Variants in RIPOR2 observed in about 807,000 individuals in gnomAD.
RIPOR2 encodes the protein RHO family interacting cell polarization regulator 2, also known as rho family-interacting cell polarization regulator 2.
A neutral mutation model predicts 114.5 loss-of-function variants in RIPOR2; 39 were observed. The observed-to-expected ratio is 0.34, with a 90% CI of 0.26 to 0.44. The LOEUF (loss-of-function observed/expected upper bound fraction) is 0.44. Ranked by LOEUF, RIPOR2 falls within the 20% of genes least tolerant of loss-of-function variation. RIPOR2 has a pLI of 1.00. For missense variants in RIPOR2, 1,007 were observed against 1,255.1 expected, an observed-to-expected ratio of 0.80 and a Z score of 2.99; for synonymous variants, 445 against 484.4, an observed-to-expected ratio of 0.92 and a Z score of 1.07.
At chr6:24,940,320 T>C (rs1772057511), upstream of RIPOR2, among the ~76,000 whole-genome samples, 1 of 152,224 alleles carries the variant, frequency 6.6e-6, no homozygotes, top group African/African-American at 2.4e-5. Context: ...AGCCTCACAA[T>C]CTTCTCTCTG....
intron 10 of RIPOR2, 54 bp downstream of exon 10, chr6:24,850,543 T>C: frequency 6.2e-7 from 1 of 1,608,348 alleles, no homozygotes; most frequent in Non-Finnish European, 8.5e-7. Flanking sequence ...GCCCCACCAA[T>C]GGATCATCCA....
intron 1 of RIPOR2, among the ~76,000 whole-genome samples, chr6:24,913,694 A>G (rs777381428): frequency 9.2e-5 from 14 of 152,300 alleles, no homozygotes; most frequent in Non-Finnish European, 1.8e-4. Flanking sequence ...TGTGGTCACC[A>G]AAGTCTTCAT....
At chr6:24,921,653 C>T (rs904886009) in intron 1 of RIPOR2, among the ~76,000 whole-genome samples, 4 of 149,084 alleles carry the variant, frequency 2.7e-5, no homozygotes, top group South Asian at 2.2e-4. Context: ...CACTTATCGC[C>T]CCCCCCGACC....
At chr6:24,857,386 T>C (rs1336274862) in intron 8 of RIPOR2, among the ~76,000 whole-genome samples, 1 of 152,132 alleles carries the variant, frequency 6.6e-6, no homozygotes, top group East Asian at 1.9e-4. Context: ...GGATGCGCAC[T>C]GGGGGCTTGC....
In RIPOR2 at chr6:24,843,509, C is replaced by T. The variant is rs1761947247; in HGVS notation, c.1210G>A (p.Glu404Lys). 3 of 1,539,552 alleles carry T rather than the reference C, an allele frequency of 1.9e-6. No individual in the cohort carries two copies. The highest frequency in any genetic ancestry group is 2.6e-6 in the Non-Finnish European group (3 of 1,141,678). Residue 404 changes from glutamate to lysine, a missense_variant, in exon 13 of 22, where the codon GAG becomes AAG. Transcript: ENST00000643898. Reference sequence around the variant, plus strand: ...AAGCTGAGCGACAGTGGCATTTTCTCCTCGGCTGCCTTTCCATTTTCAAAG... The same window carrying T: ...AAGCTGAGCGACAGTGGCATTTTCTTCTCGGCTGCCTTTCCATTTTCAAAG... ...DIFENGKAAE[E>K]KMPLSLSFSD... is the part of the protein sequence containing the mutation.
intron 4 of RIPOR2, among the ~76,000 whole-genome samples, chr6:24,872,439 G>A (rs891537720): frequency 2.0e-5 from 3 of 152,002 alleles, no homozygotes; most frequent in Non-Finnish European, 4.4e-5. Flanking sequence ...GGCTGGTCTC[G>A]AACTCCTGGC....
intron 1 of RIPOR2, among the ~76,000 whole-genome samples, chr6:24,905,721 A>G (rs1185505984): frequency 1.3e-5 from 2 of 152,228 alleles, no homozygotes; most frequent in East Asian, 1.9e-4. Flanking sequence ...GAGCTCCAGG[A>G]AACTGTCACT....
intron 1 of RIPOR2, among the ~76,000 whole-genome samples, chr6:24,924,217 C>T (rs1770697773): frequency 6.6e-6 from 1 of 152,168 alleles, no homozygotes; most frequent in Admixed American, 6.5e-5. Flanking sequence ...GATATGCTCC[C>T]TGAGGCCTGG....
At chr6:24,920,888 C>A (rs927540481) in intron 1 of RIPOR2, among the ~76,000 whole-genome samples, 6 of 152,244 alleles carry the variant, frequency 3.9e-5, no homozygotes, top group African/African-American at 1.2e-4. Flanking sequence ...TTTTCCCATA[C>A]CCCCAGTATT....
At chr6:24,884,445 A>G (rs1766629049) in intron 1 of RIPOR2, among the ~76,000 whole-genome samples, 1 of 152,218 alleles carries the variant, frequency 6.6e-6, no homozygotes, top group Non-Finnish European at 1.5e-5. Context: ...AAATTAAGAA[A>G]TCAAAGTAAT....
At chr6:24,971,378 G>A (rs527941079) in intron 1 of RIPOR2, among the ~76,000 whole-genome samples, 63 of 152,338 alleles carry the variant, frequency 4.1e-4, no homozygotes, top group Non-Finnish European at 2.8e-4. Flanking sequence ...CACATGTGCT[G>A]GATATAGGGA....
At chr6:24,924,974 A>G (rs906943563) in intron 1 of RIPOR2, among the ~76,000 whole-genome samples, 13 of 152,220 alleles carry the variant, frequency 8.5e-5, no homozygotes, top group African/African-American at 3.1e-4. Flanking sequence ...ATAATTGAGT[A>G]CTCTAAAAAA....
At chr6:24,979,791 T>G (rs1267711283) in intron 1 of RIPOR2, among the ~76,000 whole-genome samples, 2 of 152,224 alleles carry the variant, frequency 1.3e-5, no homozygotes, top group Non-Finnish European at 2.9e-5. Context: ...GTTTTAAAAC[T>G]GACAAATCCG....
rs185184048 is a variant in RIPOR2 at position 24,963,098 on chromosome 6, C to T, written c.76+78753G>A. Among the ~76,000 whole-genome samples the T allele has an allele frequency of 3.3e-5, 5 of 152,250 alleles. No individual in the cohort carries two copies. In the East Asian group the frequency reaches 5.8e-4, roughly 18 times the overall value. ...TGTCTCCCAGGCTGGAATACAATGG[C>T]GCAATCTTGGCTCACTGCAACCTCC... On this transcript the variant is annotated intron_variant, in intron 1 of 13. Transcript: ENST00000510784.
intron 16 of RIPOR2, among the ~76,000 whole-genome samples, chr6:24,831,870 G>T (rs1760715011): frequency 6.6e-6 from 1 of 152,158 alleles, no homozygotes; most frequent in Admixed American, 6.5e-5. Flanking sequence ...GCAGGGTCTG[G>T]CAGGATCTTC....
In RIPOR2 at chr6:24,848,123, A is replaced by T; in HGVS notation, c.1066T>A (p.Ser356Thr). 6.2e-7 allele frequency: 1 copy of T among 1,613,792 alleles called. No individual in the cohort carries two copies. Among genetic ancestry groups the T allele is most frequent in the Non-Finnish European group, 8.5e-7 (1 of 1,179,806 alleles). Residue 356 changes from serine (S) to threonine (T), a missense_variant, in exon 12 of 22, where the codon TCA (serine) becomes ACA (threonine). Physicochemically the swap from Ser to Thr is moderately conservative, Grantham distance 58. Transcript: ENST00000643898. ...PFDVEDMTAS[S>T]GAGNKAAALQ... is the part of the protein sequence containing the mutation. ...GCTGCTGCCTTGTTCCCAGCGCCTG[A>T]GGATGCGGTCATGTCCTCCACGTCA...
chr6:24,890,174 C>T (rs749409384), intron 1 of RIPOR2, among the ~76,000 whole-genome samples: 3 of 152,110 alleles, frequency 2.0e-5, no homozygotes, highest in Middle Eastern at 6.8e-3. Flanking sequence ...GGATTATGGG[C>T]GTGAGCCACT....
intron 5 of RIPOR2, among the ~76,000 whole-genome samples, chr6:24,870,073 G>GA (rs767168234): frequency 2.0e-5 from 3 of 151,790 alleles, no homozygotes; most frequent in Non-Finnish European, 2.9e-5. Context: ...AAAAGAAAGA[G>GA]AAAAAAAATC....
At chr6:25,031,802 T>C (rs1215161335) in intron 1 of RIPOR2, among the ~76,000 whole-genome samples, 2 of 138,534 alleles carry the variant, frequency 1.4e-5, no homozygotes, top group African/African-American at 5.3e-5. Context: ...AGAATATATA[T>C]AATATCCATA....
Sources: allele counts gnomAD v4.1 joint callset (sites outside exome capture counted in the v4.1 genomes callset), GRCh38; gene constraint gnomAD v4.1.1; transcripts MANE v1.5; gene names NCBI Gene and HGNC (gene_info 2026-07-23, HGNC 2026-07-21).